BRWD1: variants seen among roughly 807,000 people sequenced by gnomAD.
BRWD1 encodes bromodomain and WD repeat domain containing 1.
BRWD1 carries 82 observed loss-of-function variants against 251.2 expected under a neutral mutation model. The observed-to-expected ratio is 0.33, with a 90% CI of 0.27 to 0.39. BRWD1 has a LOEUF of 0.39. Ranked by LOEUF, BRWD1 falls within the 10% of genes least tolerant of loss-of-function variation. The pLI, the probability that BRWD1 is intolerant of heterozygous loss-of-function variation, is 1.00. For synonymous variants in BRWD1, 918 were observed against 902.8 expected (o/e 1.02, Z -0.30); for missense variants, 2,233 against 2,711.6 (o/e 0.82, Z 3.92).
chr21:39,265,508 A>T (rs2034892046), intron 15 of BRWD1, among the ~76,000 whole-genome samples: 1 of 152,214 alleles, frequency 6.6e-6, no homozygotes, highest in Non-Finnish European at 1.5e-5. Flanking sequence ...TTGATTTTGG[A>T]TACAACTAGC....
intron 4 of BRWD1, among the ~76,000 whole-genome samples, chr21:39,307,673 G>A (rs976746381): frequency 1.3e-5 from 2 of 152,074 alleles, no homozygotes; most frequent in African/African-American, 4.8e-5. Flanking sequence ...TGGAACTTGG[G>A]TGCACTGCCA....
rs149568932 is a variant in BRWD1, at chr21:39,274,241, C to T, written c.1244+133G>A. Reference sequence around the variant, plus strand: ...ACGCAGCTATTCACTTATACCACAGCTCTTCGTAATAGAAGGTAGCTATAA... The same window carrying T: ...ACGCAGCTATTCACTTATACCACAGTTCTTCGTAATAGAAGGTAGCTATAA... On this transcript the variant is annotated intron_variant, in intron 13 of 40. Coordinates refer to ENST00000342449, the MANE Select transcript of BRWD1 (RefSeq NM_033656.4). 7.7e-4 allele frequency: 525 copies of T among 678,466 alleles called. 2 individuals carry two copies. The highest frequency in any genetic ancestry group is 7.3e-3 in the African/African-American group (404 of 55,688). 42.0% of individuals were successfully genotyped at this position (678,466 alleles called of 1,614,324 possible).
At chr21:39,298,677 A>C in intron 4 of BRWD1, 95 bp from the exon 5 acceptor site, 4 of 973,772 alleles carry the variant, frequency 4.1e-6, no homozygotes, top group Non-Finnish European at 5.8e-6. Flanking sequence ...AAAAACATAC[A>C]CTGAAAACTG....
At chr21:39,312,737 G>T in intron 4 of BRWD1, 104 bp downstream of exon 4, 1 of 833,564 alleles carries the variant, frequency 1.2e-6, no homozygotes, top group Non-Finnish European at 1.8e-6. Context: ...CCCCAGTGCG[G>T]GTCACACTTT....
chr21:39,224,560 T>G (rs969725075), intron 28 of BRWD1, 91 bp from the exon 29 acceptor site: 37 of 786,104 alleles, frequency 4.7e-5, no homozygotes, highest in Middle Eastern at 6.9e-4. Context: ...AATGTGAAAA[T>G]TAACCTCACT....
Position 39,202,414 on chromosome 21 carries a change from C to T in BRWD1, c.4496G>A (p.Gly1499Asp), listed in dbSNP as rs1263364649. ...THKTSAGISS[G>D]VTSGDSSDSA... ...ATCTGAAGAGTCACCAGAAGTAACA[C>T]CTGAAGAGATACCAGCACTTGTCTT... is the stretch of plus-strand genomic sequence containing the variant. The change falls in exon 38 of 41, where the codon GGT becomes GAT. Residue 1499 changes from glycine to aspartate, a missense_variant. Gly to Asp is a moderately conservative substitution (Grantham distance 94, BLOSUM62 -1). Around this residue, in one of 12 missense-constraint regions of BRWD1, gnomAD observed 928 missense variants for 970.0 expected, o/e 0.96. Transcript: ENST00000342449. The T allele has an allele frequency of 1.1e-5, 18 of 1,614,042 alleles. No individual in the cohort carries two copies. Among genetic ancestry groups the T allele is most frequent in the African/African-American group, 1.3e-5 (1 of 75,024 alleles).
chr21:39,256,591 T>C (rs2034569513), intron 18 of BRWD1, among the ~76,000 whole-genome samples: 1 of 151,970 alleles, frequency 6.6e-6, no homozygotes, highest in Non-Finnish European at 1.5e-5. Context: ...CAACCTCCCA[T>C]GAGCTGGAAG....
rs762303663 is a variant in BRWD1, at chr21:39,196,750, C to G, written c.6319G>C (p.Ala2107Pro). The G allele has an allele frequency of 9.9e-6, 16 of 1,613,360 alleles. No individual in the cohort carries two copies. The highest frequency in any genetic ancestry group is 1.6e-4 in the Middle Eastern group (1 of 6,084). ...NGRRLRTYGKAPFSKTKVIHD... is the reference protein window; with the variant it reads ...NGRRLRTYGKPPFSKTKVIHD... ...ATCACTTTTGTCTTACTAAAAGGAG[C>G]CTTTCCATAGGTCCTGAGTCTTCTG... Residue 2107 changes from alanine (A) to proline (P), a missense_variant, in exon 41 of 41, where the codon GCT (alanine) becomes CCT (proline). Transcript: ENST00000342449.
chr21:39,278,730 A>C lies in BRWD1; in HGVS notation c.1003+13T>G. The C allele has an allele frequency of 6.4e-7, 1 of 1,560,038 alleles. No homozygotes were observed. On this transcript the variant is annotated intron_variant, in intron 10 of 40. Transcript: ENST00000342449. ...AAAAAAAAACTAAGAAAAAAATGTGAAGAAGTTCTTACCAACACTAAAAGA... is the reference window on the plus strand; with the variant it reads ...AAAAAAAAACTAAGAAAAAAATGTGCAGAAGTTCTTACCAACACTAAAAGA...
chr21:39,269,937 T>C lies in BRWD1; in HGVS notation c.1492A>G (p.Ile498Val). The C allele has an allele frequency of 6.4e-7, 1 of 1,568,958 alleles. No homozygotes were observed. The highest frequency in any genetic ancestry group is 8.6e-7 in the Non-Finnish European group (1 of 1,156,076). Residue 498 changes from isoleucine to valine, a missense_variant, in exon 15 of 41, where the codon ATT (isoleucine) becomes GTT (valine). Ile to Val is a conservative substitution (Grantham distance 29). Around this residue, in one of 12 missense-constraint regions of BRWD1, gnomAD observed 315 missense variants for 421.8 expected, o/e 0.75. Coordinates refer to ENST00000342449, the MANE Select transcript of BRWD1 (RefSeq NM_033656.4). ...GHDGSIFIWD[I>V]TKGTKMKHYF... ...TGTTTCATCTTGGTACCTTTTGTAATATCCCATATAAATATGCTGCCATCA... is the reference window on the plus strand; with the variant it reads ...TGTTTCATCTTGGTACCTTTTGTAACATCCCATATAAATATGCTGCCATCA...
chr21:39,249,515 T>C (rs768982739), intron 20 of BRWD1, among the ~76,000 whole-genome samples: 4 of 152,056 alleles, frequency 2.6e-5, no homozygotes, highest in Non-Finnish European at 4.4e-5. Context: ...AGTAACTATA[T>C]TGGTTTTAGT....
At chr21:39,259,152 C>CT in intron 17 of BRWD1, among the ~76,000 whole-genome samples, 1 of 152,178 alleles carries the variant, frequency 6.6e-6, no homozygotes, top group Middle Eastern at 3.2e-3. Context: ...TTCAACAAGA[C>CT]TTTAGCTCTC....
chr21:39,247,629 T>C (rs2146600760), intron 21 of BRWD1, 72 bp downstream of exon 21: 2 of 1,435,818 alleles, frequency 1.4e-6, no homozygotes, highest in South Asian at 2.8e-5. Flanking sequence ...TTGGGGTATA[T>C]TCATTCAAAG....
chr21:39,299,966 A>G (rs892679791), intron 4 of BRWD1, among the ~76,000 whole-genome samples: 2 of 152,100 alleles, frequency 1.3e-5, no homozygotes, highest in Admixed American at 1.3e-4. Context: ...CCTGGGCGAC[A>G]AGAGTGAAAC....
At position 39,195,248 on chromosome 21, in the gene BRWD1, T is replaced by C. The variant is rs531336360; in HGVS notation, c.*1011A>G. ...AATGACATTTAGCTATTTTCCTATATAGATAAGATTTGCAATTGTACTCTT... is the reference window on the plus strand; with the variant it reads ...AATGACATTTAGCTATTTTCCTATACAGATAAGATTTGCAATTGTACTCTT... On this transcript the variant is annotated 3_prime_UTR_variant, in exon 41 of 41. Transcript: ENST00000342449. The C allele has an allele frequency of 2.0e-6, 2 of 1,023,010 alleles. No individual in the cohort carries two copies. The highest frequency in any genetic ancestry group is 5.3e-5 in the Admixed American group (1 of 18,868). The allele number at this position is 1,023,010 out of a possible 1,614,324, so 63.4% of individuals were successfully genotyped here.
intron 4 of BRWD1, among the ~76,000 whole-genome samples, chr21:39,304,161 A>G (rs940887467): frequency 6.6e-6 from 1 of 150,696 alleles, no homozygotes; most frequent in South Asian, 2.1e-4. Flanking sequence ...AAAAAAAAAA[A>G]AGAGAAATAC....
intron 22 of BRWD1, among the ~76,000 whole-genome samples, 182 bp downstream of exon 22, chr21:39,238,297 A>C (rs986577515): frequency 1.2e-4 from 19 of 152,014 alleles, no homozygotes; most frequent in African/African-American, 4.3e-4. Context: ...AAAAAAAAAA[A>C]AAAAAAACTC....
rs1270160773 is a variant in BRWD1 at position 39,190,953 on chromosome 21, T to C, written c.*5306A>G. ...CTACAACTAATCTAGCTCATCACAA[T>C]ACAGTTTTCTCTCACCCCTAGAAAA... On this transcript the variant is annotated 3_prime_UTR_variant, in exon 41 of 41. Transcript: ENST00000342449. The C allele has an allele frequency of 1.0e-6, 1 of 985,290 alleles. No homozygotes were observed. The highest frequency in any genetic ancestry group is 1.2e-6 in the Non-Finnish European group (1 of 829,798). 61.0% of individuals were successfully genotyped at this position (985,290 alleles called of 1,614,324 possible). A position where few individuals can be genotyped will look rare whatever the true frequency, so the allele number is the denominator to read the frequency against.
chr21:39,259,558 A>G (rs1233722200), intron 17 of BRWD1, among the ~76,000 whole-genome samples: 1 of 152,080 alleles, frequency 6.6e-6, no homozygotes, highest in Non-Finnish European at 1.5e-5. Flanking sequence ...TCGACCTCCC[A>G]AAGTGCTGGG....
Sources: gnomAD v4.1 joint callset for allele counts (sites outside exome capture counted in the v4.1 genomes callset) on GRCh38, gnomAD v4.1.1 for gene constraint, gnomAD v4.1.1 regional missense constraint, MANE v1.5 for transcripts, NCBI Gene and HGNC (gene_info 2026-07-23, HGNC 2026-07-21) for gene names.